The following CCNY variants were observed in gnomAD, a reference collection of about 807,000 sequenced individuals.
CCNY encodes the protein cyclin-Y.
In CCNY, 19 loss-of-function variants were observed where a neutral mutation model predicts 42.8. The observed-to-expected ratio is 0.44, with a 90% confidence interval of 0.31 to 0.65. The LOEUF (loss-of-function observed/expected upper bound fraction) is 0.65. CCNY is among the 30% of genes least tolerant of loss of function. CCNY has a pLI of 0.07. For missense variants in CCNY, 370 were observed against 437.3 expected, an observed-to-expected ratio of 0.85 and a Z score of 1.37; for synonymous variants, 165 against 162.7, an observed-to-expected ratio of 1.01 and a Z score of -0.11.
chr10:35,412,699 A>C (rs1837934824), intron 1 of CCNY, among the ~76,000 whole-genome samples: 1 of 150,628 alleles, frequency 6.6e-6, no homozygotes. Context: ...AAAATACAAA[A>C]AAAAAAAAAA....
chr10:35,474,038 C>A (rs914641272), intron 1 of CCNY, among the ~76,000 whole-genome samples: 1 of 152,192 alleles, frequency 6.6e-6, no homozygotes, highest in Admixed American at 6.5e-5. Context: ...GGGTGACGGA[C>A]GGCACCTGGA....
chr10:35,359,850 A>T (rs556845032), intron 1 of CCNY, among the ~76,000 whole-genome samples: 9 of 152,328 alleles, frequency 5.9e-5, no homozygotes, highest in South Asian at 2.1e-4. Flanking sequence ...ATATAAGTGG[A>T]TCCATACAAT....
At chr10:35,379,252 T>C (rs893407447) in intron 1 of CCNY, among the ~76,000 whole-genome samples, 1 of 152,102 alleles carries the variant, frequency 6.6e-6, no homozygotes, top group Non-Finnish European at 1.5e-5. Flanking sequence ...GGCTTTTACA[T>C]GATTAGGGGT....
chr10:35,339,226 A>G lies in CCNY; in HGVS notation c.154+2019A>G, dbSNP rs547290508. On this transcript the variant is annotated intron_variant, in intron 1 of 9. Transcript: ENST00000374704. Reference sequence around the variant, plus strand: ...GCCAGCAGTTCTCAACATTGGTTTCAGTTAAACCAGAAATCTAGTACTGGA... The same window carrying G: ...GCCAGCAGTTCTCAACATTGGTTTCGGTTAAACCAGAAATCTAGTACTGGA... Among the ~76,000 whole-genome samples the G allele has an allele frequency of 5.9e-5, 9 of 152,328 alleles. No homozygotes were observed. In the South Asian group the frequency reaches 1.9e-3, roughly 32 times the overall value.
intron 9 of CCNY, chr10:35,566,394 G>A (rs1841572871): frequency 1.8e-6 from 1 of 556,630 alleles, no homozygotes; most frequent in Middle Eastern, 5.0e-4. Context: ...ACCCAGCCTG[G>A]AGTACAGTGG....
chr10:35,457,649 C>T (rs1239654441), intron 1 of CCNY, among the ~76,000 whole-genome samples: 3 of 151,788 alleles, frequency 2.0e-5, no homozygotes, highest in African/African-American at 7.3e-5. Flanking sequence ...GGCACAGTCT[C>T]GGCTCAATGC....
chr10:35,521,396 A>G (rs1840542781), intron 4 of CCNY, among the ~76,000 whole-genome samples: 2 of 152,238 alleles, frequency 1.3e-5, no homozygotes, highest in Admixed American at 1.3e-4. Context: ...TTGGCCTGGT[A>G]AACTTGGATT....
At chr10:35,408,941 CTTG>C (rs1319582635) in intron 1 of CCNY, among the ~76,000 whole-genome samples, 1 of 150,354 alleles carries the variant, frequency 6.7e-6, no homozygotes, top group Non-Finnish European at 1.5e-5. Context: ...CTGCTCAATT[CTTG>C]TTTTTGTTTT....
chr10:35,504,912 C>A (rs1213377629), intron 3 of CCNY, among the ~76,000 whole-genome samples: 1 of 152,136 alleles, frequency 6.6e-6, no homozygotes, highest in South Asian at 2.1e-4. Flanking sequence ...GCTGGGATTA[C>A]AAGCATGAGC....
intron 3 of CCNY, among the ~76,000 whole-genome samples, chr10:35,253,691 T>A (rs557955840): frequency 7.9e-5 from 12 of 152,108 alleles, no homozygotes; most frequent in Admixed American, 6.6e-4. Context: ...TGTAGACCAT[T>A]CATAGAGGCT....
At position 35,309,903 on chromosome 10, in the gene CCNY, C is replaced by T. The variant is rs534936791; in HGVS notation, c.-9+59277C>T. 6.6e-5 allele frequency among the ~76,000 whole-genome samples: 10 copies of T among 152,034 alleles called. No homozygotes were observed. The South Asian group carries it at 2.1e-3, about 32-fold the overall frequency. On this transcript the variant is annotated intron_variant, in intron 3 of 11. Transcript: ENST00000374706. ...GCAAGCTCCACCTCCCAGGTTCACG[C>T]CATTCTCCTGCCTCAGCCTTCCGAG...
chr10:35,405,323 T>C (rs1837734205), intron 1 of CCNY, among the ~76,000 whole-genome samples: 1 of 152,112 alleles, frequency 6.6e-6, no homozygotes. Context: ...CATCATTTGT[T>C]GTCAAGGAGG....
intron 1 of CCNY, among the ~76,000 whole-genome samples, chr10:35,410,525 C>G (rs1837881398): frequency 6.6e-6 from 1 of 152,080 alleles, no homozygotes; most frequent in South Asian, 2.1e-4. Context: ...AAATAGGGTC[C>G]TAATTTTCCA....
chr10:35,528,479 G>A (rs865800382), intron 5 of CCNY, among the ~76,000 whole-genome samples: 21 of 152,144 alleles, frequency 1.4e-4, no homozygotes, highest in African/African-American at 4.3e-4. Context: ...CGAGGCAGGC[G>A]GATCACGAGG....
At chr10:35,349,326 A>G (rs910351146) in intron 1 of CCNY, among the ~76,000 whole-genome samples, 2 of 151,860 alleles carry the variant, frequency 1.3e-5, no homozygotes, top group African/African-American at 2.4e-5. Flanking sequence ...CTTGCTACCC[A>G]CTCTCCCACA....
chr10:35,329,265 TC>T (rs1835913829), intron 3 of CCNY, among the ~76,000 whole-genome samples: 1 of 152,110 alleles, frequency 6.6e-6, no homozygotes, highest in Non-Finnish European at 1.5e-5. Context: ...AAAATGTTCA[TC>T]CCCGGCCGGG....
chr10:35,541,270 C>T (rs1840995096), intron 7 of CCNY, among the ~76,000 whole-genome samples: 2 of 152,074 alleles, frequency 1.3e-5, no homozygotes, highest in Non-Finnish European at 2.9e-5. Flanking sequence ...GTGAAGAAAG[C>T]AGAGTTCCTA....
intron 7 of CCNY, among the ~76,000 whole-genome samples, chr10:35,543,107 A>G (rs1589194372): frequency 6.6e-6 from 1 of 152,368 alleles, no homozygotes. Context: ...AATGCTGTTC[A>G]TAATCTTGTA....
chr10:35,499,858 T>C (rs1840076145), intron 2 of CCNY, among the ~76,000 whole-genome samples: 2 of 152,230 alleles, frequency 1.3e-5, no homozygotes, highest in Admixed American at 6.5e-5. Context: ...CATAGAATTA[T>C]CATCATATCC....
Sources: gnomAD v4.1 joint callset for allele counts (sites outside exome capture counted in the v4.1 genomes callset) on GRCh38, gnomAD v4.1.1 for gene constraint, MANE v1.5 for transcripts, NCBI Gene and HGNC (gene_info 2026-07-23, HGNC 2026-07-21) for gene names.